STXBP5L: variants seen among roughly 807,000 people sequenced by gnomAD.
STXBP5L encodes the protein syntaxin-binding protein 5-like.
In STXBP5L, 65 loss-of-function variants were observed where a neutral mutation model predicts 144.5. That is an observed-to-expected ratio of 0.45 (90% confidence interval 0.37 to 0.55). STXBP5L has a LOEUF of 0.55. Ranked by LOEUF, STXBP5L falls within the 20% of genes least tolerant of loss-of-function variation. STXBP5L has a pLI of 0.00. For synonymous variants in STXBP5L, 505 were observed against 469.6 expected, an observed-to-expected ratio of 1.08 and a Z score of -0.97; for missense variants, 1,298 against 1,405.5, an observed-to-expected ratio of 0.92 and a Z score of 1.22.
At chr3:120,944,245 A>G (rs1443370909) in intron 2 of STXBP5L, among the ~76,000 whole-genome samples, 1 of 151,594 alleles carries the variant, frequency 6.6e-6, no homozygotes, top group African/African-American at 2.4e-5. Flanking sequence ...AGACACATTA[A>G]GTAAAAATAC....
At chr3:121,160,296 C>T (rs531287719) in intron 9 of STXBP5L, among the ~76,000 whole-genome samples, 12 of 152,224 alleles carry the variant, frequency 7.9e-5, no homozygotes, top group African/African-American at 2.9e-4. Context: ...TATTATTAGG[C>T]ATCCATTACA....
chr3:121,153,944 C>A (rs1425933869), intron 8 of STXBP5L, among the ~76,000 whole-genome samples: 1 of 151,834 alleles, frequency 6.6e-6, no homozygotes, highest in Non-Finnish European at 1.5e-5. Context: ...CCTCTCTCAA[C>A]ACTAGCAGCT....
chr3:121,316,541 CCT>C (rs1339030123), intron 19 of STXBP5L, among the ~76,000 whole-genome samples: 2 of 152,132 alleles, frequency 1.3e-5, no homozygotes, highest in African/African-American at 2.4e-5. Context: ...CCTTTCTTCC[CCT>C]GTTTTCTTAT....
intron 3 of STXBP5L, among the ~76,000 whole-genome samples, chr3:121,032,141 C>T (rs1026290877): frequency 6.6e-6 from 1 of 150,842 alleles, no homozygotes; most frequent in Non-Finnish European, 1.5e-5. Flanking sequence ...TGAGATGGCC[C>T]AGGAGGAGTG....
chr3:121,200,151 A>G (rs1013374594), intron 9 of STXBP5L, among the ~76,000 whole-genome samples: 2 of 152,090 alleles, frequency 1.3e-5, no homozygotes, highest in Non-Finnish European at 2.9e-5. Context: ...TTACTGCCTC[A>G]ATTTCAGAGC....
At chr3:121,045,324 A>G (rs1297431945) in intron 4 of STXBP5L, 111 bp from the exon 5 acceptor site, 1 of 925,588 alleles carries the variant, frequency 1.1e-6, no homozygotes. Flanking sequence ...TTTCTGAGAT[A>G]ACAAAAGTAA....
intron 18 of STXBP5L, among the ~76,000 whole-genome samples, chr3:121,276,785 T>A (rs1023997039): frequency 1.3e-5 from 2 of 151,888 alleles, no homozygotes; most frequent in African/African-American, 4.8e-5. Context: ...TTGTTATTAG[T>A]TGTTTTCAGC....
intron 2 of STXBP5L, among the ~76,000 whole-genome samples, chr3:120,932,029 A>G (rs778427448): frequency 5.3e-5 from 8 of 152,200 alleles, no homozygotes; most frequent in African/African-American, 1.9e-4. Context: ...AGTATAGCCT[A>G]TTGCTCCTGG....
intron 5 of STXBP5L, among the ~76,000 whole-genome samples, chr3:121,112,355 G>A (rs1302667418): frequency 6.6e-6 from 1 of 152,128 alleles, no homozygotes; most frequent in Non-Finnish European, 1.5e-5. Flanking sequence ...CTGGTGGTAG[G>A]TAGCACACTC....
chr3:121,290,752 A>C (rs956735257), intron 19 of STXBP5L, among the ~76,000 whole-genome samples: 1 of 152,192 alleles, frequency 6.6e-6, no homozygotes, highest in African/African-American at 2.4e-5. Flanking sequence ...ATGGTTTAAC[A>C]TACACAAGTC....
intron 3 of STXBP5L, among the ~76,000 whole-genome samples, chr3:120,978,823 T>G (rs975052357): frequency 1.7e-4 from 26 of 152,210 alleles, no homozygotes; most frequent in African/African-American, 6.3e-4. Context: ...AGACCCTGTT[T>G]GCCTCGGTAT....
rs530849588 is a variant in STXBP5L at position 121,032,046 on chromosome 3, A to T, written c.288-9654A>T. Among the ~76,000 whole-genome samples the T allele has an allele frequency of 2.1e-4, 32 of 152,240 alleles. No individual in the cohort carries two copies. The South Asian group carries it at 4.4e-3, about 21-fold the overall frequency. ...AAGTAGAGTGATCTACTGAGTATTT[A>T]GATACATTTTCTGAAATTTGGGGAA... is the stretch of plus-strand genomic sequence containing the variant. On this transcript the variant is annotated intron_variant, in intron 3 of 26. Coordinates refer to ENST00000471454, the MANE Select transcript of STXBP5L (RefSeq NM_001308330.2).
intron 18 of STXBP5L, among the ~76,000 whole-genome samples, chr3:121,263,204 T>G (rs2050442504): frequency 6.6e-6 from 1 of 152,044 alleles, no homozygotes; most frequent in African/African-American, 2.4e-5. Context: ...CCCAGCAAAC[T>G]CCAGCAGACC....
intron 6 of STXBP5L, among the ~76,000 whole-genome samples, chr3:121,115,352 C>T (rs987676362): frequency 1.3e-5 from 2 of 152,118 alleles, no homozygotes; most frequent in South Asian, 2.1e-4. Flanking sequence ...TATAATCAAG[C>T]TTAGTATAGC....
At chr3:120,957,681 G>A (rs191549271) in intron 3 of STXBP5L, among the ~76,000 whole-genome samples, 4 of 152,044 alleles carry the variant, frequency 2.6e-5, no homozygotes, top group Admixed American at 2.6e-4. Flanking sequence ...CGAAATGAAG[G>A]TAGCAATAAA....
intron 20 of STXBP5L, 34 bp from the exon 21 acceptor site, chr3:121,378,682 T>C (rs909075054): frequency 6.2e-7 from 1 of 1,603,924 alleles, no homozygotes; most frequent in African/African-American, 1.3e-5. Flanking sequence ...GAGTTAATCA[T>C]TATATGTATG....
At chr3:121,196,675 T>C (rs1340212686) in intron 9 of STXBP5L, among the ~76,000 whole-genome samples, 2 of 152,052 alleles carry the variant, frequency 1.3e-5, no homozygotes, top group African/African-American at 4.8e-5. Context: ...CTTTTTTCCT[T>C]GTTTTGAGAC....
At chr3:121,372,533 C>T (rs376676268) in intron 20 of STXBP5L, among the ~76,000 whole-genome samples, 29 of 152,278 alleles carry the variant, frequency 1.9e-4, no homozygotes, top group African/African-American at 5.3e-4. Context: ...AGGCCCATGG[C>T]GATAGCAGGT....
intron 7 of STXBP5L, among the ~76,000 whole-genome samples, chr3:121,138,211 AG>A (rs1194119946): frequency 1.3e-5 from 2 of 152,066 alleles, no homozygotes; most frequent in African/African-American, 2.4e-5. Flanking sequence ...AGGAGGTGAA[AG>A]GAGGTCTCTA....
Sources: gnomAD v4.1 joint callset for allele counts (sites outside exome capture counted in the v4.1 genomes callset) on GRCh38, gnomAD v4.1.1 for gene constraint, MANE v1.5 for transcripts, NCBI Gene and HGNC (gene_info 2026-07-23, HGNC 2026-07-21) for gene names.